PLCG2: variants seen among roughly 807,000 people sequenced by gnomAD.
The protein encoded by PLCG2 is 1-phosphatidylinositol 4,5-bisphosphate phosphodiesterase gamma-2.
Under a neutral mutation model 175.6 loss-of-function variants are expected in PLCG2, and 69 were observed. That is an observed-to-expected ratio of 0.39 (90% CI 0.32 to 0.48). The LOEUF is 0.48. PLCG2 is among the 20% of genes least tolerant of loss of function. The probability of loss-of-function intolerance (pLI) is 0.91; values close to 1 mark genes in which losing one functional copy is unlikely to be tolerated. For missense variants in PLCG2, 1,798 were observed against 1,650.9 expected, an observed-to-expected ratio of 1.09 and a Z score of -1.54; for synonymous variants, 827 against 624.0, an observed-to-expected ratio of 1.33 and a Z score of -4.85.
intron 1 of PLCG2, among the ~76,000 whole-genome samples, chr16:81,752,855 A>G (rs1909840364): frequency 6.6e-6 from 1 of 152,194 alleles, no homozygotes; most frequent in African/African-American, 2.4e-5. Flanking sequence ...CAGGGAGAGG[A>G]CAGCTATGAA....
intron 2 of PLCG2, among the ~76,000 whole-genome samples, chr16:81,808,961 C>G (rs1026751151): frequency 6.6e-6 from 1 of 152,186 alleles, no homozygotes; most frequent in Non-Finnish European, 1.5e-5. Context: ...ATGAAGGTTG[C>G]TGCCTGTGAG....
rs578232336 is a variant in PLCG2 at position 81,857,148 on chromosome 16, A to G, written c.338-1115A>G. ...GAGGAGACTGATGACTGAACCTTTG[A>G]TATACTTTGGCACCAGGCAGGTGTT... On this transcript the variant is annotated intron_variant, in intron 3 of 32. Transcript: ENST00000564138. Among the ~76,000 whole-genome samples, 106 of 152,308 alleles carry G rather than the reference A, an allele frequency of 7.0e-4. 1 individual carries two copies. In the Middle Eastern group the frequency reaches 0.01, roughly 15 times the overall value.
chr16:81,936,207 A>T lies in PLCG2; in HGVS notation c.2881A>T (p.Thr961Ser), dbSNP rs750349959. 6.2e-7 allele frequency: 1 copy of T among 1,614,028 alleles called. No individual in the cohort carries two copies. Among genetic ancestry groups the T allele is most frequent in the African/African-American group, 1.3e-5 (1 of 74,926 alleles). The change falls in exon 27 of 33, where the codon ACG becomes TCG. Residue 961 changes from threonine to serine, a missense_variant. Coordinates refer to ENST00000564138, the MANE Select transcript of PLCG2 (RefSeq NM_002661.5). ...DFREIRSFVE[T>S]KADSIIRQKP... Reference sequence around the variant, plus strand: ...CCGAGAAATCCGCTCCTTTGTGGAGACGAAGGCTGACAGCATCATCAGACA... The same window carrying T: ...CCGAGAAATCCGCTCCTTTGTGGAGTCGAAGGCTGACAGCATCATCAGACA...
chr16:81,795,902 C>T (rs1056621138), intron 2 of PLCG2, among the ~76,000 whole-genome samples: 6 of 152,340 alleles, frequency 3.9e-5, no homozygotes, highest in East Asian at 3.9e-4. Flanking sequence ...TGGCATGTGA[C>T]CAAGTGCAAG....
At chr16:81,937,577 C>A in intron 27 of PLCG2, 181 bp from the exon 28 acceptor site, 1 of 439,174 alleles carries the variant, frequency 2.3e-6, no homozygotes. Context: ...AAGGTGTTCC[C>A]CAGTCTGGGA....
At chr16:81,947,322 G>T (rs1305849422) in intron 31 of PLCG2, among the ~76,000 whole-genome samples, 2 of 152,196 alleles carry the variant, frequency 1.3e-5, no homozygotes, top group African/African-American at 4.8e-5. Flanking sequence ...TCTGCTTTCT[G>T]AAAGTTTTCT....
chr16:81,804,239 C>A (rs1208628324), intron 2 of PLCG2, among the ~76,000 whole-genome samples: 2 of 152,206 alleles, frequency 1.3e-5, no homozygotes, highest in Non-Finnish European at 2.9e-5. Flanking sequence ...TTGGTTATCA[C>A]CATCCTAGTG....
intron 2 of PLCG2, among the ~76,000 whole-genome samples, chr16:81,827,695 G>C (rs117901581): frequency 6.6e-6 from 1 of 152,084 alleles, no homozygotes; most frequent in South Asian, 2.1e-4. Flanking sequence ...ATGTGTGCCT[G>C]GTGTAAAGTG....
chr16:81,954,446 G>T (rs1209507170), intron 31 of PLCG2, among the ~76,000 whole-genome samples: 1 of 152,192 alleles, frequency 6.6e-6, no homozygotes, highest in Non-Finnish European at 1.5e-5. Flanking sequence ...TGCCATGGTG[G>T]TTTGCTGTAC....
At chr16:81,951,907 A>G (rs1911381601) in intron 31 of PLCG2, among the ~76,000 whole-genome samples, 1 of 152,236 alleles carries the variant, frequency 6.6e-6, no homozygotes, top group African/African-American at 2.4e-5. Flanking sequence ...TTTAAACTGT[A>G]CAAATTCTGA....
Position 81,946,262 on chromosome 16 carries a change from T to A in PLCG2, c.3569T>A (p.Leu1190Gln), listed in dbSNP as rs1287516481. 10 of 1,611,646 alleles carry A rather than the reference T, an allele frequency of 6.2e-6. No individual in the cohort carries two copies. Among genetic ancestry groups the A allele is most frequent in the Non-Finnish European group, 7.6e-6 (9 of 1,177,730 alleles). ...GTTTTCTGTGAGATGCGGCCAGTCCTGGTGAGTGGAGAAACACCAGTTAAG... is the reference window on the plus strand; with the variant it reads ...GTTTTCTGTGAGATGCGGCCAGTCCAGGTGAGTGGAGAAACACCAGTTAAG... ...LLVFCEMRPV[L>Q]ESEEELYSSC... is the part of the protein sequence containing the mutation. The change falls in exon 31 of 33, where the codon CTG becomes CAG. Residue 1190 changes from leucine (L) to glutamine (Q), a missense_variant and splice_region_variant. Physicochemically the swap from Leu to Gln is moderately radical, Grantham distance 113 (BLOSUM62 -2). Coordinates refer to ENST00000564138, the MANE Select transcript of PLCG2 (RefSeq NM_002661.5).
chr16:81,829,398 C>T lies in PLCG2; in HGVS notation c.194-25046C>T, dbSNP rs1373154077. On this transcript the variant is annotated intron_variant, in intron 2 of 32. Coordinates refer to ENST00000564138, the MANE Select transcript of PLCG2 (RefSeq NM_002661.5). ...TGCTGGGATTACAGGCGTGAGCCACCGTGCCTAGCCAGTTTCACCATGTTG... is the reference window on the plus strand; with the variant it reads ...TGCTGGGATTACAGGCGTGAGCCACTGTGCCTAGCCAGTTTCACCATGTTG... Among the ~76,000 whole-genome samples the T allele has an allele frequency of 2.6e-5, 4 of 152,156 alleles. No individual in the cohort carries two copies. The East Asian group carries it at 5.8e-4, about 22-fold the overall frequency.
chr16:81,912,648 G>T lies in PLCG2; in HGVS notation c.1986G>T (p.Arg662Ser). 6.2e-7 allele frequency: 1 copy of T among 1,613,254 alleles called. No homozygotes were observed. The highest frequency in any genetic ancestry group is 8.5e-7 in the Non-Finnish European group (1 of 1,179,808). The change falls in exon 19 of 33, where the codon AGG becomes AGT. Residue 662 changes from arginine (R) to serine (S), a missense_variant. By Grantham distance (110) the Arg-to-Ser change is moderately radical. Transcript: ENST00000564138. ...SRGEAEDMLM[R>S]IPRDGAFLIR... Reference sequence around the variant, plus strand: ...GAGAGGCAGAGGACATGCTGATGAGGATTCCCCGGGACGGGGCCTTCCTGA... The same window carrying T: ...GAGAGGCAGAGGACATGCTGATGAGTATTCCCCGGGACGGGGCCTTCCTGA...
intron 13 of PLCG2, 108 bp downstream of exon 13, chr16:81,896,035 C>G: frequency 7.3e-7 from 1 of 1,378,414 alleles, no homozygotes; most frequent in Non-Finnish European, 1.0e-6. Flanking sequence ...CCTCCAAATG[C>G]GGGAAGGCCT....
At chr16:81,755,395 G>A (rs1298648654) in intron 1 of PLCG2, among the ~76,000 whole-genome samples, 3 of 146,896 alleles carry the variant, frequency 2.0e-5, no homozygotes, top group Non-Finnish European at 3.0e-5. Flanking sequence ...TGGTAGAGAT[G>A]AGGTGTCACT....
At chr16:81,768,032 G>C (rs1205748055) in intron 2 of PLCG2, among the ~76,000 whole-genome samples, 1 of 152,144 alleles carries the variant, frequency 6.6e-6, no homozygotes, top group Admixed American at 6.5e-5. Context: ...TGGGATTACA[G>C]GCACCCGCCA....
Position 81,956,807 on chromosome 16 carries a change from G to A in PLCG2, c.3683G>A (p.Arg1228Gln), listed in dbSNP as rs547594293. The A allele has an allele frequency of 1.5e-5, 24 of 1,613,966 alleles. No homozygotes were observed. The highest frequency in any genetic ancestry group is 1.9e-5 in the Non-Finnish European group (23 of 1,179,966). Residue 1228 changes from arginine (R) to glutamine (Q), a missense_variant, in exon 32 of 33, where the codon CGG becomes CAG. Physicochemically the swap from Arg to Gln is conservative, Grantham distance 43. Transcript: ENST00000564138. ...DTHQNLRNANRDALVKEFSVN... is the reference protein window; with the variant it reads ...DTHQNLRNANQDALVKEFSVN... ...CACCAGAACTTGCGCAATGCCAACC[G>A]GGATGCCCTGGTTAAAGAGTTCAGT... is the stretch of plus-strand genomic sequence containing the variant.
rs1237415115 is a variant in PLCG2 at position 81,919,637 on chromosome 16, C to G, written c.2208C>G (p.Thr736=). Residue 736 remains threonine (T), a synonymous_variant, in exon 20 of 33, where the codon ACC becomes ACG. Transcript: ENST00000564138. ...AGATGAGACTGCGCTACCCCGTGACCCCCGAGCTCCTGGAGCGCTACAATA... is the reference window on the plus strand; with the variant it reads ...AGATGAGACTGCGCTACCCCGTGACGCCCGAGCTCCTGGAGCGCTACAATA... ...YRKMRLRYPV[T]PELLERYNME... The G allele has an allele frequency of 2.5e-6, 4 of 1,613,862 alleles. No individual in the cohort carries two copies. The highest frequency in any genetic ancestry group is 3.4e-6 in the Non-Finnish European group (4 of 1,179,902).
chr16:81,806,398 T>C (rs772760298), intron 2 of PLCG2, among the ~76,000 whole-genome samples: 1 of 152,084 alleles, frequency 6.6e-6, no homozygotes, highest in Non-Finnish European at 1.5e-5. Context: ...GTCTACCAGC[T>C]TTGCCATCTG....
Sources: allele counts gnomAD v4.1 joint callset (sites outside exome capture counted in the v4.1 genomes callset), GRCh38; gene constraint gnomAD v4.1.1; transcripts MANE v1.5; gene names NCBI Gene and HGNC (gene_info 2026-07-23, HGNC 2026-07-21).